The following PLXNA4 variants were observed in gnomAD, a reference collection of about 807,000 sequenced individuals.
PLXNA4 encodes the protein plexin-A4.
PLXNA4 carries 44 observed loss-of-function variants against 191.8 expected under a neutral mutation model. The observed-to-expected ratio is 0.23, with a 90% CI of 0.18 to 0.29. The LOEUF (loss-of-function observed/expected upper bound fraction) is 0.29, where lower values mean the gene tolerates loss of function less well. PLXNA4 is among the 10% of genes least tolerant of loss of function. The pLI is 1.00. For missense variants in PLXNA4, 1,800 were observed against 2,488.8 expected, an observed-to-expected ratio of 0.72 and a Z score of 5.89; for synonymous variants, 1,082 against 1,009.5, an observed-to-expected ratio of 1.07 and a Z score of -1.36.
intron 1 of PLXNA4, among the ~76,000 whole-genome samples, chr7:132,514,356 G>A (rs537643868): frequency 6.6e-6 from 1 of 152,244 alleles, no homozygotes; most frequent in Admixed American, 6.5e-5. Flanking sequence ...TGGCCGGTGA[G>A]ACTTTTGTTT....
At chr7:132,450,898 G>T (rs1306621407) in intron 3 of PLXNA4, among the ~76,000 whole-genome samples, 1 of 152,170 alleles carries the variant, frequency 6.6e-6, no homozygotes, top group African/African-American at 2.4e-5. Flanking sequence ...TAGTCCTCTT[G>T]TTTTATGGCT....
At chr7:132,619,341 T>A (rs1236943721) in intron 2 of PLXNA4, among the ~76,000 whole-genome samples, 2 of 152,132 alleles carry the variant, frequency 1.3e-5, no homozygotes, top group African/African-American at 2.4e-5. Context: ...TGAAATACAA[T>A]CTCACGACCA....
At chr7:132,178,859 CA>C (rs1796580181) in intron 20 of PLXNA4, among the ~76,000 whole-genome samples, 1 of 127,794 alleles carries the variant, frequency 7.8e-6, no homozygotes, top group Non-Finnish European at 1.6e-5. Context: ...CACACACACA[CA>C]CACACACACA....
At chr7:132,325,399 A>G (rs749439330) in intron 3 of PLXNA4, among the ~76,000 whole-genome samples, 3 of 152,230 alleles carry the variant, frequency 2.0e-5, no homozygotes, top group Non-Finnish European at 4.4e-5. Context: ...AACAGTTGTT[A>G]TGGGTTGAAC....
intron 2 of PLXNA4, among the ~76,000 whole-genome samples, chr7:132,501,476 C>A (rs1206949880): frequency 6.6e-6 from 1 of 152,170 alleles, no homozygotes; most frequent in African/African-American, 2.4e-5. Context: ...TGGGTCCCGC[C>A]TCACTCCCTG....
chr7:132,460,392 A>T (rs1052312443), intron 3 of PLXNA4, among the ~76,000 whole-genome samples: 1 of 151,750 alleles, frequency 6.6e-6, no homozygotes, highest in African/African-American at 2.4e-5. Context: ...AAAACCTCAA[A>T]TTGTAATTTC....
intron 3 of PLXNA4, among the ~76,000 whole-genome samples, chr7:132,336,598 C>G (rs183505747): frequency 1.5e-4 from 23 of 152,274 alleles, no homozygotes; most frequent in African/African-American, 4.8e-4. Flanking sequence ...CTACTATGTG[C>G]TAGGTGCTTG....
At chr7:132,526,650 G>A (rs1370063554) in intron 1 of PLXNA4, among the ~76,000 whole-genome samples, 1 of 152,168 alleles carries the variant, frequency 6.6e-6, no homozygotes, top group African/African-American at 2.4e-5. Flanking sequence ...TTTATTTGGG[G>A]ATAATGACTC....
At position 132,133,084 on chromosome 7, in the gene PLXNA4, C is replaced by T; in HGVS notation, c.5554G>A (p.Glu1852Lys). The change falls in exon 31 of 32, where the codon GAG becomes AAG. Residue 1852 changes from glutamate (E) to lysine (K), a missense_variant. Transcript: ENST00000321063. ...NEFNTMSALS[E>K]IFSYVGKYSE... ...TATTTGCCCACATAGGAGAAGATCT[C>T]TGAGAGTGCACTCATGGTGTTGAAC... 1 of 1,614,170 alleles carries T rather than the reference C, an allele frequency of 6.2e-7. No homozygotes were observed. The highest frequency in any genetic ancestry group is 8.5e-7 in the Non-Finnish European group (1 of 1,180,022).
At chr7:132,457,975 C>T (rs933147599) in intron 3 of PLXNA4, among the ~76,000 whole-genome samples, 9 of 152,100 alleles carry the variant, frequency 5.9e-5, no homozygotes, top group African/African-American at 2.2e-4. Flanking sequence ...ACTTCTGATC[C>T]CCAGAGCTGT....
At chr7:132,500,119 G>A (rs750980218) in intron 2 of PLXNA4, among the ~76,000 whole-genome samples, 3 of 152,204 alleles carry the variant, frequency 2.0e-5, no homozygotes, top group African/African-American at 7.2e-5. Context: ...ACAGCAGCAA[G>A]CACTGGCCCA....
intron 3 of PLXNA4, among the ~76,000 whole-genome samples, chr7:132,406,272 G>A (rs1794215799): frequency 6.6e-6 from 1 of 152,214 alleles, no homozygotes; most frequent in Admixed American, 6.5e-5. Flanking sequence ...AATGGTCTGA[G>A]TATTTTTTCC....
At chr7:132,541,750 T>C (rs1232958013) in intron 1 of PLXNA4, among the ~76,000 whole-genome samples, 1 of 152,216 alleles carries the variant, frequency 6.6e-6, no homozygotes, top group Non-Finnish European at 1.5e-5. Flanking sequence ...ATTTAACGTG[T>C]GAACAGGAGC....
chr7:132,642,141 G>T (rs1292680095), intron 2 of PLXNA4, among the ~76,000 whole-genome samples: 2 of 152,056 alleles, frequency 1.3e-5, no homozygotes, highest in Non-Finnish European at 2.9e-5. Context: ...CATTTTTAAT[G>T]ATTTATTTGT....
At chr7:132,332,837 G>T (rs1371186217) in intron 3 of PLXNA4, among the ~76,000 whole-genome samples, 2 of 150,718 alleles carry the variant, frequency 1.3e-5, no homozygotes, top group Non-Finnish European at 3.0e-5. Flanking sequence ...TCCAACATGG[G>T]TGACAGAGTA....
At position 132,508,725 on chromosome 7, in the gene PLXNA4, C is replaced by T; in HGVS notation, c.-32G>A. 7 of 1,474,370 alleles carry T rather than the reference C, an allele frequency of 4.7e-6. No homozygotes were observed. Among genetic ancestry groups the T allele is most frequent in the Non-Finnish European group, 6.3e-6 (7 of 1,115,552 alleles). The allele number at this position is 1,474,370 out of a possible 1,614,324, so 91.3% of individuals were successfully genotyped here. ...GGCGGGTCCCAGTGGCACAGCAGCA[C>T]TCAGGCACAGTCGTCCCCTCAGAGG... On this transcript the variant is annotated 5_prime_UTR_variant, in exon 2 of 32. In the 5' UTR this introduces an upstream ATG that the reference lacks. Coordinates refer to ENST00000321063, the MANE Select transcript of PLXNA4 (RefSeq NM_020911.2). This position sits in a 1 kb window ranked among gnomAD's most constrained non-coding sequence, Gnocchi z 4.4.
At chr7:132,159,052 C>A (rs995821030) in intron 25 of PLXNA4, among the ~76,000 whole-genome samples, 1 of 152,186 alleles carries the variant, frequency 6.6e-6, no homozygotes, top group African/African-American at 2.4e-5. Flanking sequence ...TGGAACTGAG[C>A]AGAAGGGAAG....
At position 132,508,298 on chromosome 7, in the gene PLXNA4, G is replaced by A. The variant is rs192439109; in HGVS notation, c.396C>T (p.Ser132=). Residue 132 remains serine (S), a synonymous_variant, in exon 2 of 32, where the codon AGC becomes AGT. Transcript: ENST00000321063. This position sits in a 1 kb window ranked among gnomAD's most constrained non-coding sequence, Gnocchi z 4.4. ...GCAGCTTGCAGATGCCTTGGTACAG[G>A]CTCCCACAGGCAATCAGCCTGTTCT... ...YKENRLIACG[S]LYQGICKLLR... 9.3e-6 allele frequency: 15 copies of A among 1,614,184 alleles called. No homozygotes were observed. The African/African-American group carries it at 1.7e-4, about 19-fold the overall frequency.
intron 3 of PLXNA4, among the ~76,000 whole-genome samples, chr7:132,321,380 T>A (rs901903684): frequency 4.7e-5 from 7 of 147,696 alleles, no homozygotes; most frequent in South Asian, 2.1e-4. Context: ...TTTTTTTTTT[T>A]AAATCGTGGT....
Sources: gnomAD v4.1 joint callset for allele counts (sites outside exome capture counted in the v4.1 genomes callset) on GRCh38, gnomAD v4.1.1 for gene constraint, Gnocchi (gnomAD v3.1) non-coding constraint, MANE v1.5 for transcripts, NCBI Gene and HGNC (gene_info 2026-07-23, HGNC 2026-07-21) for gene names.